Variants in CRTAC1 observed in about 807,000 individuals in gnomAD.
CRTAC1 encodes the protein acidic secreted protein in cartilage.
In CRTAC1, 37 loss-of-function variants were observed where a neutral mutation model predicts 67.8. That is an observed-to-expected ratio of 0.55 (90% CI 0.42 to 0.72). The LOEUF (loss-of-function observed/expected upper bound fraction) is 0.72. CRTAC1 is among the 30% of genes least tolerant of loss of function. The probability of loss-of-function intolerance (pLI) is 0.00; values close to 1 mark genes in which losing one functional copy is unlikely to be tolerated. For synonymous variants in CRTAC1, 348 were observed against 371.0 expected (o/e 0.94, Z 0.71); for missense variants, 780 against 931.6 (o/e 0.84, Z 2.12).
At chr10:97,938,132 G>A (rs2051118896) in intron 2 of CRTAC1, among the ~76,000 whole-genome samples, 1 of 152,164 alleles carries the variant, frequency 6.6e-6, no homozygotes. Context: ...TCAGCGCCCG[G>A]TGATGGAAGG....
chr10:97,967,834 TTAACTA>T (rs1439553133), intron 2 of CRTAC1, among the ~76,000 whole-genome samples: 1 of 152,068 alleles, frequency 6.6e-6, no homozygotes, highest in East Asian at 1.9e-4. Flanking sequence ...AAAATTCCAT[TTAACTA>T]TACTCAAGGT....
At chr10:98,007,304 C>T (rs181766648) in intron 2 of CRTAC1, among the ~76,000 whole-genome samples, 125 of 152,316 alleles carry the variant, frequency 8.2e-4, no homozygotes, top group African/African-American at 2.7e-3. Flanking sequence ...AATGACCTCC[C>T]AAGGTCCTGA....
intron 1 of CRTAC1, among the ~76,000 whole-genome samples, chr10:98,021,463 G>A (rs1226263301): frequency 6.6e-6 from 1 of 152,184 alleles, no homozygotes; most frequent in Non-Finnish European, 1.5e-5. Context: ...CTGAAAGTGA[G>A]AGGACAAATG....
intron 14 of CRTAC1, chr10:97,878,346 T>C (rs1302715412): frequency 1.1e-5 from 2 of 177,502 alleles, no homozygotes; most frequent in African/African-American, 4.8e-5. Context: ...TAAAAACTTT[T>C]CATTTATGCT....
At chr10:97,931,417 C>G (rs2051002000) in intron 3 of CRTAC1, among the ~76,000 whole-genome samples, 1 of 152,140 alleles carries the variant, frequency 6.6e-6, no homozygotes, top group Admixed American at 6.5e-5. Context: ...TTTGTGAGGG[C>G]AAAAGGCAAA....
intron 2 of CRTAC1, among the ~76,000 whole-genome samples, chr10:97,995,264 C>T (rs563478277): frequency 1.3e-5 from 2 of 152,104 alleles, no homozygotes; most frequent in African/African-American, 4.8e-5. Context: ...GTGCATGGGG[C>T]TTCCTGCACA....
chr10:97,926,400 A>G (rs2050919137), intron 3 of CRTAC1, among the ~76,000 whole-genome samples: 1 of 152,182 alleles, frequency 6.6e-6, no homozygotes, highest in African/African-American at 2.4e-5. Context: ...TACACGAGAA[A>G]TGCACTTGGA....
chr10:97,967,558 C>G (rs2051639089), intron 2 of CRTAC1, among the ~76,000 whole-genome samples: 1 of 152,174 alleles, frequency 6.6e-6, no homozygotes. Context: ...TGTGTGTATA[C>G]TAACCCATGT....
chr10:98,026,953 G>A (rs895623643), intron 1 of CRTAC1, among the ~76,000 whole-genome samples: 16 of 152,136 alleles, frequency 1.1e-4, no homozygotes, highest in African/African-American at 3.9e-4. Context: ...GCCGAGGCGG[G>A]CAGATCACGA....
chr10:97,877,869 G>C (rs773450468), intron 14 of CRTAC1, among the ~76,000 whole-genome samples: 1 of 152,194 alleles, frequency 6.6e-6, no homozygotes, highest in Non-Finnish European at 1.5e-5. Context: ...TGAACCCCCT[G>C]ATGTCCTTGG....
At chr10:97,962,390 G>C (rs957252596) in intron 2 of CRTAC1, among the ~76,000 whole-genome samples, 1 of 152,170 alleles carries the variant, frequency 6.6e-6, no homozygotes, top group African/African-American at 2.4e-5. Flanking sequence ...GCAGATCACC[G>C]TTTAGTGCAC....
chr10:97,958,949 T>C (rs764892147), intron 2 of CRTAC1, among the ~76,000 whole-genome samples: 1 of 152,048 alleles, frequency 6.6e-6, no homozygotes, highest in South Asian at 2.1e-4. Context: ...CAGAAGACAA[T>C]GAGACAGACA....
chr10:97,879,950 C>G, intron 14 of CRTAC1: 1 of 776,258 alleles, frequency 1.3e-6, no homozygotes, highest in Non-Finnish European at 2.1e-6. Flanking sequence ...AGTTTATATC[C>G]CAGCTATGAA....
chr10:97,948,108 C>A (rs1391123460), intron 2 of CRTAC1, among the ~76,000 whole-genome samples: 6 of 129,708 alleles, frequency 4.6e-5, no homozygotes, highest in Non-Finnish European at 5.0e-5. Context: ...TGAATTATTG[C>A]AAAAAAAAAA....
At chr10:97,918,049 C>A (rs915616329) in intron 4 of CRTAC1, among the ~76,000 whole-genome samples, 3 of 152,066 alleles carry the variant, frequency 2.0e-5, no homozygotes, top group African/African-American at 7.2e-5. Flanking sequence ...TCTACCAATT[C>A]CCATTATTCT....
At chr10:97,986,049 G>A (rs1024029806) in intron 2 of CRTAC1, among the ~76,000 whole-genome samples, 5 of 152,166 alleles carry the variant, frequency 3.3e-5, no homozygotes, top group Admixed American at 6.5e-5. Flanking sequence ...TTCTGAGAGC[G>A]ATCAAAGCTG....
chr10:97,992,419 A>G (rs1842479924), intron 2 of CRTAC1, among the ~76,000 whole-genome samples: 4 of 152,342 alleles, frequency 2.6e-5, no homozygotes, highest in South Asian at 4.1e-4. Flanking sequence ...GAACTACCAT[A>G]TGATCAAGCA....
intron 13 of CRTAC1, among the ~76,000 whole-genome samples, chr10:97,880,762 C>A (rs2050202491): frequency 6.6e-6 from 1 of 152,136 alleles, no homozygotes; most frequent in Non-Finnish European, 1.5e-5. Flanking sequence ...TAAGATGCAC[C>A]TCATGCTTAA....
At chr10:98,005,485 T>C (rs977155454) in intron 2 of CRTAC1, among the ~76,000 whole-genome samples, 1 of 151,952 alleles carries the variant, frequency 6.6e-6, no homozygotes, top group Non-Finnish European at 1.5e-5. Flanking sequence ...CAAAACTGAT[T>C]ATCAAATCTA....
Sources: allele counts gnomAD v4.1 joint callset (sites outside exome capture counted in the v4.1 genomes callset), GRCh38; gene constraint gnomAD v4.1.1; transcripts MANE v1.5; gene names NCBI Gene and HGNC (gene_info 2026-07-23, HGNC 2026-07-21).